Variants in ALOX15B observed in about 807,000 individuals in gnomAD.
The protein encoded by ALOX15B is polyunsaturated fatty acid lipoxygenase ALOX15B.
Under a neutral mutation model 73.8 loss-of-function variants are expected in ALOX15B, and 74 were observed. The observed-to-expected ratio is 1.00, with a 90% CI of 0.83 to 1.22. The LOEUF is 1.22. Among genes scored for constraint, ALOX15B ranks in the 50% most tolerant of loss-of-function variants. The pLI, the probability that ALOX15B is intolerant of heterozygous loss-of-function variation, is 0.00. For synonymous variants in ALOX15B, 353 were observed against 357.2 expected (o/e 0.99, Z 0.13); for missense variants, 896 against 859.9 (o/e 1.04, Z -0.52).
intron 2 of ALOX15B, 137 bp downstream of exon 2, chr17:8,039,742 C>A: frequency 8.3e-7 from 1 of 1,201,122 alleles, no homozygotes; most frequent in Non-Finnish European, 1.2e-6. Context: ...GAGGGAATGG[C>A]GGAGCCTTGG....
At chr17:8,047,492 C>A in intron 11 of ALOX15B, 72 bp from the exon 12 acceptor site, 8 of 1,574,566 alleles carry the variant, frequency 5.1e-6, no homozygotes, top group Non-Finnish European at 6.9e-6. Flanking sequence ...ACCCTCAAGG[C>A]TCACCCTCAA....
Position 8,046,984 on chromosome 17 carries a change from T to G in ALOX15B, c.1365T>G (p.Cys455Trp). ...NMKQLNYSLLCLPEDIRTRGV... is the reference protein window; with the variant it reads ...NMKQLNYSLLWLPEDIRTRGV... ...AGCAGCTGAACTATTCTCTCCTGTG[T>G]CTGCCTGAGGATATCCGGACCCGAG... The change falls in exon 10 of 14, where the codon TGT (cysteine) becomes TGG (tryptophan). Residue 455 changes from cysteine (C) to tryptophan (W), a missense_variant. Physicochemically the swap from Cys to Trp is radical, Grantham distance 215 (BLOSUM62 -2). Coordinates refer to ENST00000380183, the MANE Select transcript of ALOX15B (RefSeq NM_001141.3). The G allele has an allele frequency of 6.2e-7, 1 of 1,614,178 alleles. No individual in the cohort carries two copies. Among genetic ancestry groups the G allele is most frequent in the Non-Finnish European group, 8.5e-7 (1 of 1,180,036 alleles).
At position 8,045,018 on chromosome 17, in the gene ALOX15B, T is replaced by C. The variant is rs1778568737; in HGVS notation, c.849+17T>C. 3 of 1,613,490 alleles carry C rather than the reference T, an allele frequency of 1.9e-6. No individual in the cohort carries two copies. In the African/African-American group the frequency reaches 4.0e-5, roughly 22 times the overall value. ...GAGCTAGAGGTGAGGGGTGCAGGGA[T>C]CTTGGCTCTGCACAGTCCCATCTCA... is the stretch of plus-strand genomic sequence containing the variant. On this transcript the variant is annotated intron_variant, in intron 6 of 13. Coordinates refer to ENST00000380183, the MANE Select transcript of ALOX15B (RefSeq NM_001141.3).
chr17:8,043,403 A>G (rs1976514326), intron 5 of ALOX15B, among the ~76,000 whole-genome samples: 1 of 152,204 alleles, frequency 6.6e-6, no homozygotes, highest in South Asian at 2.1e-4. Flanking sequence ...CCCTGAAGAC[A>G]GAAGGATCAG....
At position 8,048,442 on chromosome 17, in the gene ALOX15B, C is replaced by G. The variant is rs1976672149; in HGVS notation, c.1908C>G (p.Ser636Arg). 1 of 1,613,992 alleles carries G rather than the reference C, an allele frequency of 6.2e-7. No individual in the cohort carries two copies. The highest frequency in any genetic ancestry group is 8.5e-7 in the Non-Finnish European group (1 of 1,180,032). The change falls in exon 14 of 14, where the codon AGC (serine) becomes AGG (arginine). Residue 636 changes from serine (S) to arginine (R), a missense_variant. Transcript: ENST00000380183. ...EHFTEEAPRR[S>R]IATFQSRLAQ... Reference sequence around the variant, plus strand: ...TCACAGAGGAGGCCCCTCGGCGGAGCATCGCCACCTTCCAGAGCCGCCTGG... The same window carrying G: ...TCACAGAGGAGGCCCCTCGGCGGAGGATCGCCACCTTCCAGAGCCGCCTGG...
intron 7 of ALOX15B, 48 bp from the exon 8 acceptor site, chr17:8,045,435 G>T: frequency 1.2e-6 from 2 of 1,613,746 alleles, no homozygotes; most frequent in Non-Finnish European, 1.7e-6. Context: ...CAGGAGAATG[G>T]TTGGAAGACA....
rs753399540 is a variant in ALOX15B at position 8,039,214 on chromosome 17, A to G, written c.59A>G (p.Asp20Gly). Residue 20 changes from aspartate to glycine, a missense_variant, in exon 1 of 14, where the codon GAC becomes GGC. Coordinates refer to ENST00000380183, the MANE Select transcript of ALOX15B (RefSeq NM_001141.3). ...TGEAFGAGTW[D>G]KVSVSIVGTR... ...GAAGCCTTCGGGGCTGGCACATGGG[A>G]CAAAGTGTCTGTCAGCATCGTGGGG... 1 of 1,611,818 alleles carries G rather than the reference A, an allele frequency of 6.2e-7. No homozygotes were observed. The highest frequency in any genetic ancestry group is 2.2e-5 in the East Asian group (1 of 44,856).
In ALOX15B at chr17:8,039,624, TG is replaced by T. The variant is rs1567969063; in HGVS notation, c.367+23del. The T allele has an allele frequency of 2.8e-6, 1 of 354,856 alleles. No individual in the cohort carries two copies. Among genetic ancestry groups the T allele is most frequent in the Non-Finnish European group, 4.6e-6 (1 of 217,156 alleles). The allele number at this position is 354,856 out of a possible 1,614,324, so 22.0% of individuals were successfully genotyped here. On this transcript the variant is annotated intron_variant, in intron 2 of 13. Transcript: ENST00000380183. ...GGTACAGGTGAGGGGCGGGCCGGGC[TG>T]GGGCTGCAGGGGGAGCACAGGAAGG...
intron 2 of ALOX15B, 62 bp from the exon 3 acceptor site, chr17:8,039,840 T>A: frequency 6.7e-7 from 1 of 1,498,998 alleles, no homozygotes; most frequent in Non-Finnish European, 9.2e-7. Context: ...GGAGACTGTG[T>A]GGCTGGTGGT....
chr17:8,045,034 T>A, intron 6 of ALOX15B, 33 bp downstream of exon 6: 4 of 1,612,098 alleles, frequency 2.5e-6, no homozygotes, highest in Non-Finnish European at 3.4e-6. Context: ...CTCTGCACAG[T>A]CCCATCTCAG....
Position 8,048,535 on chromosome 17 carries a change from T to A in ALOX15B, c.2001T>A (p.Pro667=), listed in dbSNP as rs779108969. 6.2e-7 allele frequency: 1 copy of A among 1,613,512 alleles called. No individual in the cohort carries two copies. Among genetic ancestry groups the A allele is most frequent in the Admixed American group, 1.7e-5 (1 of 59,960 alleles). The change falls in exon 14 of 14, where the codon CCT becomes CCA. Residue 667 remains proline, a synonymous_variant. Transcript: ENST00000380183. ...TGCTGCCCTACACCTACCTAGACCCTCCCCTCATCGAGAACAGCGTCTCCA... is the reference window on the plus strand; with the variant it reads ...TGCTGCCCTACACCTACCTAGACCCACCCCTCATCGAGAACAGCGTCTCCA... ...GLVLPYTYLD[P]PLIENSVSI
intron 11 of ALOX15B, 80 bp downstream of exon 11, chr17:8,047,459 G>A (rs980119572): frequency 1.3e-6 from 2 of 1,596,492 alleles, no homozygotes; most frequent in African/African-American, 1.3e-5. Context: ...ACGCATTTGA[G>A]TGGCCCCGTC....
In ALOX15B at chr17:8,047,302, C is replaced by T. The variant is rs201314484; in HGVS notation, c.1502C>T (p.Ser501Phe). Residue 501 changes from serine (S) to phenylalanine (F), a missense_variant, in exon 11 of 14, where the codon TCT becomes TTT. By Grantham distance (155) the Ser-to-Phe change is radical. Transcript: ENST00000380183. ...IIGIYYPSDE[S>F]VQDDRELQAW... ...GGTATCTACTACCCAAGTGATGAGT[C>T]TGTCCAAGATGACAGAGAGCTCCAG... is the stretch of plus-strand genomic sequence containing the variant. The T allele has an allele frequency of 5.6e-6, 9 of 1,614,140 alleles. No homozygotes were observed. The African/African-American group carries it at 1.2e-4, about 22-fold the overall frequency.
Position 8,039,107 on chromosome 17 carries a change from C to T in ALOX15B, c.-49C>T. 1 of 1,584,352 alleles carries T rather than the reference C, an allele frequency of 6.3e-7. No individual in the cohort carries two copies. Among genetic ancestry groups the T allele is most frequent in the Non-Finnish European group, 8.6e-7 (1 of 1,167,148 alleles). On this transcript the variant is annotated 5_prime_UTR_variant, in exon 1 of 14. Coordinates refer to ENST00000380183, the MANE Select transcript of ALOX15B (RefSeq NM_001141.3). Reference sequence around the variant, plus strand: ...ACCAGGCGTGTCCCAGGGGGGAGCCCCGCTCTGCAGCCCTGTGCGCCGTAG... The same window carrying T: ...ACCAGGCGTGTCCCAGGGGGGAGCCTCGCTCTGCAGCCCTGTGCGCCGTAG...
intron 10 of ALOX15B, 24 bp downstream of exon 10, chr17:8,047,100 C>G (rs756369349): frequency 2.5e-6 from 4 of 1,612,614 alleles, no homozygotes; most frequent in Non-Finnish European, 3.4e-6. Flanking sequence ...CCTGGAGAGC[C>G]GAGGGCTGGT....
At position 8,048,611 on chromosome 17, in the gene ALOX15B, G is replaced by A. The variant is rs765754434; in HGVS notation, c.*46G>A. 3.8e-6 allele frequency: 6 copies of A among 1,564,120 alleles called. No homozygotes were observed. The highest frequency in any genetic ancestry group is 1.4e-5 in the African/African-American group (1 of 73,106). ...CAGATGACATCCCTTTGACCACATC[G>A]CTCTAGGATAACTGGCACCCAGAGA... On this transcript the variant is annotated 3_prime_UTR_variant, in exon 14 of 14. Coordinates refer to ENST00000380183, the MANE Select transcript of ALOX15B (RefSeq NM_001141.3).
intron 13 of ALOX15B, 98 bp downstream of exon 13, chr17:8,048,013 C>A (rs554593315): frequency 2.6e-5 from 37 of 1,406,018 alleles, no homozygotes; most frequent in Admixed American, 4.4e-5. Flanking sequence ...CATCAGGTAG[C>A]GGGTCCCTTT....
In ALOX15B at chr17:8,048,378, A is replaced by C. The variant is rs572838282; in HGVS notation, c.1852-8A>C. The C allele has an allele frequency of 4.7e-5, 76 of 1,608,268 alleles. No homozygotes were observed. Among genetic ancestry groups the C allele is most frequent in the Non-Finnish European group, 6.4e-5 (75 of 1,176,690 alleles). ...GCCGCCTCACCCAACCTTGTGGTGGATCCTCAGAGGCCCCTGGGCACCTAT... is the reference window on the plus strand; with the variant it reads ...GCCGCCTCACCCAACCTTGTGGTGGCTCCTCAGAGGCCCCTGGGCACCTAT... On this transcript the variant is annotated splice_region_variant and splice_polypyrimidine_tract_variant and intron_variant, in intron 13 of 13. Transcript: ENST00000380183.
At chr17:8,040,647 G>GAAAGAAAGAAAAGA (rs1255631976) in intron 3 of ALOX15B, among the ~76,000 whole-genome samples, 5 of 122,270 alleles carry the variant, frequency 4.1e-5, no homozygotes, top group African/African-American at 1.4e-4. Flanking sequence ...AAGAAAGAAA[G>GAAAGAAAGAAAAGA]AAAGAAAAGA....
Sources: gnomAD v4.1 joint callset for allele counts (sites outside exome capture counted in the v4.1 genomes callset) on GRCh38, gnomAD v4.1.1 for gene constraint, MANE v1.5 for transcripts, NCBI Gene and HGNC (gene_info 2026-07-23, HGNC 2026-07-21) for gene names.